Variants in ABCC11 observed in about 807,000 individuals in gnomAD.
The protein encoded by ABCC11 is ATP binding cassette subfamily C member 11.
In ABCC11, 135 loss-of-function variants were observed where a neutral mutation model predicts 149.3. The observed-to-expected ratio is 0.90, with a 90% CI of 0.79 to 1.04. The LOEUF is 1.04. Ranked by LOEUF, ABCC11 falls within the 50% of genes least tolerant of loss-of-function variation. ABCC11 has a pLI of 0.00. For missense variants in ABCC11, 1,680 were observed against 1,722.1 expected (o/e 0.98, Z 0.43); for synonymous variants, 665 against 671.4 (o/e 0.99, Z 0.15).
At chr16:48,209,089 A>C (rs1342598594) in intron 11 of ABCC11, among the ~76,000 whole-genome samples, 1 of 152,192 alleles carries the variant, frequency 6.6e-6, no homozygotes, top group Non-Finnish European at 1.5e-5. Context: ...TGACAGACAG[A>C]AAGTTGGGGG....
intron 3 of ABCC11, among the ~76,000 whole-genome samples, chr16:48,228,637 A>G (rs961133059): frequency 1.3e-5 from 2 of 152,168 alleles, no homozygotes; most frequent in Admixed American, 6.5e-5. Context: ...ACTTATATAA[A>G]AAAGGAAGAA....
chr16:48,212,674 G>A (rs1969024483), intron 10 of ABCC11, among the ~76,000 whole-genome samples: 1 of 152,168 alleles, frequency 6.6e-6, no homozygotes, highest in African/African-American at 2.4e-5. Flanking sequence ...CCTGACAGCA[G>A]GGACCCCTGT....
rs563118001 is a variant in ABCC11, at chr16:48,231,795, G to T, written c.99+28C>A. ...AATATTCTGCCAACTCAGTTTCCTG[G>T]TGTGCTGATGCTAAGAGATCTACTT... On this transcript the variant is annotated intron_variant, in intron 2 of 29. Transcript: ENST00000356608. 1.9e-6 allele frequency: 3 copies of T among 1,608,722 alleles called. No individual in the cohort carries two copies. The African/African-American group carries it at 4.0e-5, about 21-fold the overall frequency.
chr16:48,237,794 AC>A (rs1458150791), intron 1 of ABCC11, among the ~76,000 whole-genome samples: 1 of 152,148 alleles, frequency 6.6e-6, no homozygotes, highest in Non-Finnish European at 1.5e-5. Flanking sequence ...CATTCTAGCC[AC>A]AGGGTCTTTG....
At position 48,166,453 on chromosome 16, in the gene ABCC11, T is replaced by C. The variant is rs1965342534; in HGVS notation, c.*821A>G. Among the ~76,000 whole-genome samples, 1 of 152,172 alleles carries C rather than the reference T, an allele frequency of 6.6e-6. No homozygotes were observed. The highest frequency in any genetic ancestry group is 6.5e-5 in the Admixed American group (1 of 15,278). On this transcript the variant is annotated 3_prime_UTR_variant, in exon 30 of 30. Transcript: ENST00000356608. ...AGACCTCAAAACAGGCATCCTTTCA[T>C]TCCGGCACCCAACCTTGAACTTTTT...
intron 26 of ABCC11, among the ~76,000 whole-genome samples, chr16:48,171,744 A>G: frequency 6.6e-6 from 1 of 152,160 alleles, no homozygotes; most frequent in South Asian, 2.1e-4. Flanking sequence ...TGGGCAGAAC[A>G]CTTGAGGTCA....
At chr16:48,168,064 A>G (rs1452357391) in intron 28 of ABCC11, among the ~76,000 whole-genome samples, 1 of 152,228 alleles carries the variant, frequency 6.6e-6, no homozygotes, top group East Asian at 1.9e-4. Flanking sequence ...CATTCTTTTT[A>G]GTTTAACATT....
At chr16:48,229,784 C>T (rs1970315923) in intron 3 of ABCC11, among the ~76,000 whole-genome samples, 1 of 152,110 alleles carries the variant, frequency 6.6e-6, no homozygotes, top group African/African-American at 2.4e-5. Flanking sequence ...TTTAATGTGG[C>T]CTTTGAGAAC....
At chr16:48,170,576 A>G (rs932816547) in intron 27 of ABCC11, among the ~76,000 whole-genome samples, 20 of 152,128 alleles carry the variant, frequency 1.3e-4, no homozygotes, top group African/African-American at 4.1e-4. Flanking sequence ...AGCCCTTACC[A>G]GTATCTGAAA....
At chr16:48,244,454 C>A in intron 1 of ABCC11, 1 of 1,596,462 alleles carries the variant, frequency 6.3e-7, no homozygotes, top group Non-Finnish European at 8.5e-7. Flanking sequence ...ACGAGGGCGT[C>A]CTGCTGCCCG....
intron 1 of ABCC11, among the ~76,000 whole-genome samples, chr16:48,234,240 T>C (rs925701092): frequency 3.3e-5 from 5 of 152,204 alleles, no homozygotes; most frequent in Non-Finnish European, 5.9e-5. Flanking sequence ...GTTTCTACCA[T>C]AGAGATATAA....
chr16:48,165,030 G>T (rs188215767), downstream of ABCC11: 749 of 152,222 alleles, frequency 4.9e-3, 5 homozygotes, highest in Non-Finnish European at 9.0e-3. Flanking sequence ...GGCCATCACC[G>T]CATTTTTGGG....
At chr16:48,218,417 G>A (rs1018766544) in intron 6 of ABCC11, among the ~76,000 whole-genome samples, 3 of 152,120 alleles carry the variant, frequency 2.0e-5, no homozygotes, top group Non-Finnish European at 4.4e-5. Context: ...GTTACTCCAC[G>A]TCTCTGTGCC....
intron 20 of ABCC11, among the ~76,000 whole-genome samples, chr16:48,191,414 G>T (rs1966914935): frequency 6.6e-6 from 1 of 152,072 alleles, no homozygotes; most frequent in South Asian, 2.1e-4. Flanking sequence ...TGCCCCTGTG[G>T]TCCCAGCTAC....
chr16:48,212,499 A>C (rs1489825649), intron 10 of ABCC11, among the ~76,000 whole-genome samples: 1 of 152,236 alleles, frequency 6.6e-6, no homozygotes, highest in Admixed American at 6.5e-5. Context: ...GCCACATTCA[A>C]AGCCATCCTG....
At chr16:48,172,158 A>G (rs1250054285) in intron 26 of ABCC11, among the ~76,000 whole-genome samples, 1 of 152,124 alleles carries the variant, frequency 6.6e-6, no homozygotes, top group Non-Finnish European at 1.5e-5. Context: ...TCTGTCTGGC[A>G]TCTTTCACTT....
intron 6 of ABCC11, among the ~76,000 whole-genome samples, chr16:48,221,435 G>T (rs1969728707): frequency 6.6e-6 from 1 of 151,238 alleles, no homozygotes; most frequent in African/African-American, 2.4e-5. Context: ...ATGGTTGTTT[G>T]TGTTATGCTG....
chr16:48,211,245 A>C, intron 10 of ABCC11, 46 bp from the exon 11 acceptor site: 1 of 1,591,930 alleles, frequency 6.3e-7, no homozygotes, highest in Non-Finnish European at 8.6e-7. Context: ...ACAGTTCTTT[A>C]GTTCAGCAGG....
chr16:48,168,310 A>T (rs1017981760), intron 28 of ABCC11, among the ~76,000 whole-genome samples: 2 of 151,630 alleles, frequency 1.3e-5, no homozygotes, highest in South Asian at 2.1e-4. Flanking sequence ...TGAAATAAGG[A>T]AGTGTGAAGA....
Sources: allele counts gnomAD v4.1 joint callset (sites outside exome capture counted in the v4.1 genomes callset), GRCh38; gene constraint gnomAD v4.1.1; transcripts MANE v1.5; gene names NCBI Gene and HGNC (gene_info 2026-07-23, HGNC 2026-07-21).